SOX5: variants seen among roughly 807,000 people sequenced by gnomAD.
The protein encoded by SOX5 is SRY-box transcription factor 5, also known as transcription factor SOX-5.
In SOX5, 9 loss-of-function variants were observed where a neutral mutation model predicts 92.0. The observed-to-expected ratio is 0.10, with a 90% CI of 0.06 to 0.17. The LOEUF (loss-of-function observed/expected upper bound fraction) is 0.17, where lower values mean the gene tolerates loss of function less well. Among genes scored for constraint, SOX5 ranks in the 10% least tolerant of loss-of-function variants. SOX5 has a pLI of 1.00. For synonymous variants in SOX5, 344 were observed against 336.3 expected, an observed-to-expected ratio of 1.02 and a Z score of -0.25; for missense variants, 642 against 944.5, an observed-to-expected ratio of 0.68 and a Z score of 4.20.
At chr12:23,621,544 A>G (rs2077181567) in intron 8 of SOX5, among the ~76,000 whole-genome samples, 2 of 152,142 alleles carry the variant, frequency 1.3e-5, no homozygotes, top group Admixed American at 1.3e-4. Context: ...TTATTTCTCT[A>G]CAACAATTTC....
intron 4 of SOX5, among the ~76,000 whole-genome samples, chr12:23,753,436 G>C (rs900748903): frequency 6.6e-6 from 1 of 151,614 alleles, no homozygotes; most frequent in Non-Finnish European, 1.5e-5. Flanking sequence ...GAGGAGAAAA[G>C]TTTCCATGCA....
intron 1 of SOX5, among the ~76,000 whole-genome samples, chr12:23,922,050 C>T (rs909051769): frequency 5.9e-5 from 9 of 152,080 alleles, no homozygotes; most frequent in African/African-American, 2.2e-4. Flanking sequence ...ACGGACTAGC[C>T]GAAACACCAG....
intron 3 of SOX5, among the ~76,000 whole-genome samples, chr12:23,786,580 T>C (rs141682333): frequency 3.4e-5 from 5 of 145,986 alleles, no homozygotes; most frequent in East Asian, 2.0e-4. Flanking sequence ...CTAGAAATCA[T>C]AGTGCTTTTG....
At position 24,272,608 on chromosome 12, in the gene SOX5, C is replaced by A. The variant is rs73060305; in HGVS notation, c.-77+4608G>T. On this transcript the variant is annotated intron_variant, in intron 3 of 4. Transcript: ENST00000446891. ...TGAAATTTATTAAATGCCTTCCCTGCATTTATTGAAATGATCATATGACTG... is the reference window on the plus strand; with the variant it reads ...TGAAATTTATTAAATGCCTTCCCTGAATTTATTGAAATGATCATATGACTG... 3.4e-3 allele frequency among the ~76,000 whole-genome samples: 516 copies of A among 152,192 alleles called. 4 individuals are homozygous for A. The highest frequency in any genetic ancestry group is 0.01 in the Middle Eastern group (3 of 294).
chr12:24,032,527 A>G (rs1182720747), intron 4 of SOX5, among the ~76,000 whole-genome samples: 2 of 151,874 alleles, frequency 1.3e-5, no homozygotes, highest in African/African-American at 4.8e-5. Flanking sequence ...CTATAATTAT[A>G]GGTAACATTT....
At chr12:23,882,924 G>A (rs1044914586) in intron 2 of SOX5, among the ~76,000 whole-genome samples, 1 of 152,140 alleles carries the variant, frequency 6.6e-6, no homozygotes, top group Admixed American at 6.5e-5. Flanking sequence ...GCTCACGTCT[G>A]TAATCCCAGC....
At chr12:24,158,865 G>A (rs1952467421) in intron 4 of SOX5, among the ~76,000 whole-genome samples, 1 of 151,682 alleles carries the variant, frequency 6.6e-6, no homozygotes, top group African/African-American at 2.4e-5. Context: ...TAACATACTT[G>A]GTTAACATTT....
At chr12:23,716,300 A>T (rs1377252922) in intron 6 of SOX5, among the ~76,000 whole-genome samples, 1 of 152,214 alleles carries the variant, frequency 6.6e-6, no homozygotes, top group Non-Finnish European at 1.5e-5. Flanking sequence ...AGAAAAAAAG[A>T]GAACTTTGGC....
At chr12:23,931,080 A>T (rs1706104661) in intron 1 of SOX5, among the ~76,000 whole-genome samples, 1 of 151,818 alleles carries the variant, frequency 6.6e-6, no homozygotes, top group South Asian at 2.1e-4. Flanking sequence ...AGAAACTAGC[A>T]GTGTCTAGCA....
At chr12:23,883,752 A>C (rs1327795359) in intron 2 of SOX5, among the ~76,000 whole-genome samples, 2 of 152,208 alleles carry the variant, frequency 1.3e-5, no homozygotes, top group African/African-American at 4.8e-5. Flanking sequence ...TTTTGACTTT[A>C]CTGAGGTAGA....
chr12:23,981,684 C>A (rs1435802865), intron 4 of SOX5, among the ~76,000 whole-genome samples: 5 of 151,888 alleles, frequency 3.3e-5, no homozygotes, highest in Non-Finnish European at 5.9e-5. Context: ...ATGACATTTG[C>A]CTATTTTTTG....
intron 4 of SOX5, among the ~76,000 whole-genome samples, chr12:24,155,752 A>T (rs767367350): frequency 3.9e-5 from 6 of 152,150 alleles, no homozygotes; most frequent in Non-Finnish European, 8.8e-5. Flanking sequence ...TGCTAACGAA[A>T]TGAGACTTTT....
At chr12:23,904,080 C>A (rs2097265596) in intron 1 of SOX5, among the ~76,000 whole-genome samples, 1 of 152,110 alleles carries the variant, frequency 6.6e-6, no homozygotes, top group African/African-American at 2.4e-5. Context: ...TTCTCTCTTA[C>A]ATGTTTTGAA....
At chr12:23,751,145 A>T (rs1489014787) in intron 4 of SOX5, among the ~76,000 whole-genome samples, 1 of 152,026 alleles carries the variant, frequency 6.6e-6, no homozygotes, top group South Asian at 2.1e-4. Flanking sequence ...TTAGAAGTAA[A>T]TGACTACATG....
chr12:23,656,761 TA>T (rs2082355313), intron 7 of SOX5, among the ~76,000 whole-genome samples: 1 of 151,756 alleles, frequency 6.6e-6, no homozygotes, highest in South Asian at 2.1e-4. Context: ...TATATCTAAA[TA>T]TTTTTATATA....
intron 3 of SOX5, among the ~76,000 whole-genome samples, chr12:24,266,392 CTT>C (rs1351775221): frequency 1.3e-5 from 2 of 152,066 alleles, no homozygotes; most frequent in Non-Finnish European, 2.9e-5. Context: ...CATTAACAGA[CTT>C]TTAATGTGCA....
intron 11 of SOX5, among the ~76,000 whole-genome samples, chr12:23,563,047 G>A (rs1448969747): frequency 6.6e-6 from 1 of 152,140 alleles, no homozygotes; most frequent in Admixed American, 6.6e-5. Context: ...TTGTCAATAA[G>A]GTTTGGAGAT....
At position 23,768,713 on chromosome 12, in the gene SOX5, CA is replaced by C. The variant is rs150126611; in HGVS notation, c.482-12990del. Among the ~76,000 whole-genome samples, 1,018 of 151,764 alleles carry C rather than the reference CA, an allele frequency of 6.7e-3. 14 individuals carry two copies. The highest frequency in any genetic ancestry group is 0.023 in the African/African-American group (942 of 41,378). ...CTAGTTGCAATTTTTTTTTACAAGG[CA>C]AATATTTTCACGTAAGAAATCTGGG... On this transcript the variant is annotated intron_variant, in intron 3 of 14. Coordinates refer to ENST00000451604, the MANE Select transcript of SOX5 (RefSeq NM_006940.6).
intron 4 of SOX5, among the ~76,000 whole-genome samples, chr12:24,166,911 G>A (rs1348392320): frequency 6.6e-6 from 1 of 152,132 alleles, no homozygotes; most frequent in African/African-American, 2.4e-5. Context: ...CTTGGAACTG[G>A]AATGATTCAG....
Sources: allele counts gnomAD v4.1 joint callset (sites outside exome capture counted in the v4.1 genomes callset), GRCh38; gene constraint gnomAD v4.1.1; transcripts MANE v1.5; gene names NCBI Gene and HGNC (gene_info 2026-07-23, HGNC 2026-07-21).